The following STARD13 variants were observed in gnomAD, a reference collection of about 807,000 sequenced individuals.
STARD13 encodes StAR related lipid transfer domain containing 13.
A neutral mutation model predicts 106.4 loss-of-function variants in STARD13; 62 were observed. That is an observed-to-expected ratio of 0.58 (90% confidence interval 0.48 to 0.72). The LOEUF (loss-of-function observed/expected upper bound fraction) is 0.72, where lower values mean the gene tolerates loss of function less well. STARD13 is among the 30% of genes least tolerant of loss of function. The probability of loss-of-function intolerance (pLI) is 0.00; values close to 1 mark genes in which losing one functional copy is unlikely to be tolerated. For synonymous variants in STARD13, 565 were observed against 553.0 expected (o/e 1.02, Z -0.31); for missense variants, 1,387 against 1,424.0 (o/e 0.97, Z 0.42).
At chr13:33,194,550 T>G (rs1272273799) in intron 1 of STARD13, among the ~76,000 whole-genome samples, 2 of 152,220 alleles carry the variant, frequency 1.3e-5, no homozygotes, top group African/African-American at 4.8e-5. Context: ...AACATCATAT[T>G]TTAAGGTATT....
the STARD13 span, among the ~76,000 whole-genome samples, chr13:33,611,971 A>T: frequency 2.5e-4 from 38 of 152,314 alleles, no homozygotes; most frequent in Admixed American, 7.2e-4. Flanking sequence ...TGACAAAACC[A>T]CAAGTCTGGG....
At chr13:33,499,671 C>CT in the STARD13 span, among the ~76,000 whole-genome samples, 1 of 131,750 alleles carries the variant, frequency 7.6e-6, no homozygotes. Flanking sequence ...CTTCCTCGTC[C>CT]TCTTCTTCCT....
At chr13:33,119,026 G>T (rs1875837719) in intron 7 of STARD13, among the ~76,000 whole-genome samples, 1 of 151,724 alleles carries the variant, frequency 6.6e-6, no homozygotes, top group South Asian at 2.1e-4. Flanking sequence ...TCCCCTACTT[G>T]ATGAATAAAT....
chr13:33,296,437 T>C (rs1388583214), intron 1 of STARD13, among the ~76,000 whole-genome samples: 7 of 151,868 alleles, frequency 4.6e-5, no homozygotes, highest in South Asian at 2.1e-4. Flanking sequence ...TAGTGACACG[T>C]GTGTGTGTGT....
chr13:33,487,846 T>C, the STARD13 span, among the ~76,000 whole-genome samples: 1 of 152,346 alleles, frequency 6.6e-6, no homozygotes, highest in South Asian at 2.1e-4. Flanking sequence ...CAGTCACTTC[T>C]TCACCTTTTG....
At chr13:33,212,936 A>G (rs1156411896) in intron 1 of STARD13, among the ~76,000 whole-genome samples, 1 of 152,140 alleles carries the variant, frequency 6.6e-6, no homozygotes, top group African/African-American at 2.4e-5. Context: ...TCAAACCATC[A>G]TGTTTTTAGA....
chr13:33,150,508 C>T (rs1397658968), intron 3 of STARD13, among the ~76,000 whole-genome samples: 1 of 152,210 alleles, frequency 6.6e-6, no homozygotes, highest in East Asian at 1.9e-4. Context: ...TGTGATTTAT[C>T]TGCTCCTGTC....
At chr13:33,212,861 T>C (rs1315251354) in intron 1 of STARD13, among the ~76,000 whole-genome samples, 1 of 152,206 alleles carries the variant, frequency 6.6e-6, no homozygotes, top group Non-Finnish European at 1.5e-5. Flanking sequence ...AAAGTTACCT[T>C]TCCTTATAAA....
the STARD13 span, among the ~76,000 whole-genome samples, chr13:33,449,917 T>C: frequency 6.6e-6 from 1 of 152,202 alleles, no homozygotes; most frequent in Non-Finnish European, 1.5e-5. Context: ...TACAACTGAT[T>C]TTGTATGTTG....
At chr13:33,327,977 C>A (rs555232867) in intron 1 of STARD13, among the ~76,000 whole-genome samples, 21 of 152,272 alleles carry the variant, frequency 1.4e-4, no homozygotes, top group Admixed American at 4.6e-4. Flanking sequence ...GGTGGCAGGC[C>A]ACTAATATCA....
chr13:33,239,718 C>T (rs78244467), intron 1 of STARD13, among the ~76,000 whole-genome samples: 2,861 of 152,080 alleles, frequency 0.019, 93 homozygotes, highest in African/African-American at 0.066. Context: ...AAGTCTTTTG[C>T]CCATGTTTTT....
chr13:33,499,714 T>G, the STARD13 span, among the ~76,000 whole-genome samples: 1 of 143,344 alleles, frequency 7.0e-6, no homozygotes, highest in South Asian at 2.3e-4. Context: ...TTCCTCTTCC[T>G]CTCCTTCTCC....
the STARD13 span, among the ~76,000 whole-genome samples, chr13:33,598,961 A>G: frequency 1.3e-5 from 2 of 152,226 alleles, no homozygotes; most frequent in Non-Finnish European, 2.9e-5. Flanking sequence ...ATTCCTTTAA[A>G]AGAAATATTT....
chr13:33,114,550 C>T (rs1203406332), intron 8 of STARD13, among the ~76,000 whole-genome samples: 2 of 152,144 alleles, frequency 1.3e-5, no homozygotes, highest in African/African-American at 4.8e-5. Flanking sequence ...CTTACTCTCG[C>T]TTAGGGTGGA....
the STARD13 span, among the ~76,000 whole-genome samples, chr13:33,675,019 C>T: frequency 6.6e-6 from 1 of 152,230 alleles, no homozygotes; most frequent in Non-Finnish European, 1.5e-5. Context: ...TTCTTCACAC[C>T]TACATCCTGG....
chr13:33,623,754 G>A, the STARD13 span, among the ~76,000 whole-genome samples: 2 of 151,698 alleles, frequency 1.3e-5, no homozygotes, highest in African/African-American at 2.4e-5. Context: ...ACATCTACCT[G>A]TCTATATACT....
intron 4 of STARD13, among the ~76,000 whole-genome samples, chr13:33,138,213 T>C (rs1028877898): frequency 1.3e-5 from 2 of 152,220 alleles, no homozygotes; most frequent in Non-Finnish European, 2.9e-5. Context: ...ATAAACAGCC[T>C]AATTGGAGTC....
the STARD13 span, among the ~76,000 whole-genome samples, chr13:33,516,006 CAG>C: frequency 6.6e-6 from 1 of 151,920 alleles, no homozygotes; most frequent in East Asian, 1.9e-4. Context: ...TAGCCAATGA[CAG>C]TAACCCAGGT....
At chr13:33,259,210 A>C (rs1890517986) in intron 1 of STARD13, among the ~76,000 whole-genome samples, 1 of 152,360 alleles carries the variant, frequency 6.6e-6, no homozygotes, top group East Asian at 1.9e-4. Context: ...ATAAATGTTG[A>C]ATGAATAAAT....
Sources: allele counts gnomAD v4.1 joint callset (sites outside exome capture counted in the v4.1 genomes callset), GRCh38; gene constraint gnomAD v4.1.1; transcripts MANE v1.5; gene names NCBI Gene and HGNC (gene_info 2026-07-23, HGNC 2026-07-21).